The following MYO16 variants were observed in gnomAD, a reference collection of about 807,000 sequenced individuals.
The protein encoded by MYO16 is unconventional myosin-XVI.
A neutral mutation model predicts 205.3 loss-of-function variants in MYO16; 94 were observed. That is an observed-to-expected ratio of 0.46 (90% CI 0.39 to 0.54). MYO16 has a LOEUF of 0.54. Ranked by LOEUF, MYO16 falls within the 20% of genes least tolerant of loss-of-function variation. MYO16 has a pLI of 0.00. For synonymous variants in MYO16, 988 were observed against 954.0 expected (o/e 1.04, Z -0.66); for missense variants, 2,315 against 2,387.5 (o/e 0.97, Z 0.63).
chr13:108,816,348 C>G (rs1373867912), intron 7 of MYO16, among the ~76,000 whole-genome samples: 1 of 152,008 alleles, frequency 6.6e-6, no homozygotes. Context: ...TAATACTAAA[C>G]TTGAAAAATT....
the MYO16 span, among the ~76,000 whole-genome samples, chr13:108,507,279 G>T: frequency 6.6e-6 from 1 of 152,020 alleles, no homozygotes. Context: ...ACTTAAAGGG[G>T]CTCCCTTTAA....
chr13:108,635,739 A>C (rs1418766084), intron 1 of MYO16, among the ~76,000 whole-genome samples: 1 of 152,114 alleles, frequency 6.6e-6, no homozygotes, highest in Non-Finnish European at 1.5e-5. Flanking sequence ...ACCTCAGGGG[A>C]TCCACCCGCC....
intron 4 of MYO16, among the ~76,000 whole-genome samples, chr13:108,771,947 G>GAC (rs1284973084): frequency 1.3e-5 from 2 of 152,160 alleles, no homozygotes; most frequent in African/African-American, 4.8e-5. Context: ...AAATAAAGCT[G>GAC]ACACAGACAT....
the MYO16 span, among the ~76,000 whole-genome samples, chr13:108,563,061 C>A: frequency 6.6e-6 from 1 of 152,074 alleles, no homozygotes; most frequent in African/African-American, 2.4e-5. Flanking sequence ...CATCCAATTG[C>A]CTTACTAGGA....
intron 4 of MYO16, 43 bp from the exon 5 acceptor site, chr13:108,785,592 T>G: frequency 8.2e-7 from 1 of 1,224,894 alleles, no homozygotes; most frequent in South Asian, 1.5e-5. Context: ...TGCTTTTAAT[T>G]TAAACAGTAT....
chr13:108,508,493 T>C, the MYO16 span, among the ~76,000 whole-genome samples: 3 of 148,242 alleles, frequency 2.0e-5, no homozygotes, highest in Admixed American at 1.3e-4. Context: ...AGCCAACCGT[T>C]CTCTTTTGTT....
chr13:108,797,116 AT>A (rs1258191925), intron 6 of MYO16, among the ~76,000 whole-genome samples: 1 of 152,116 alleles, frequency 6.6e-6, no homozygotes, highest in African/African-American at 2.4e-5. Context: ...GACTCCAAGC[AT>A]TTTTAGCTTA....
Position 108,727,426 on chromosome 13 carries a change from A to G in MYO16, c.364-14A>G, listed in dbSNP as rs775274167. On this transcript the variant is annotated splice_polypyrimidine_tract_variant and intron_variant, in intron 3 of 34. Transcript: ENST00000457511. ...TTGTAATAATTTGATATTTCCTTGT[A>G]TTCTTTCTTTTAGTGTGCTCGGTAT... 7.5e-6 allele frequency: 12 copies of G among 1,609,642 alleles called. No individual in the cohort carries two copies. The South Asian group carries it at 1.3e-4, about 18-fold the overall frequency.
At chr13:108,964,117 A>G (rs1232577773) in intron 19 of MYO16, among the ~76,000 whole-genome samples, 1 of 152,242 alleles carries the variant, frequency 6.6e-6, no homozygotes, top group African/African-American at 2.4e-5. Context: ...CCAAGGCCAT[A>G]GAATATGAAT....
chr13:108,955,862 A>C (rs976635023), intron 16 of MYO16, among the ~76,000 whole-genome samples: 1 of 152,126 alleles, frequency 6.6e-6, no homozygotes, highest in African/African-American at 2.4e-5. Flanking sequence ...AAACAAAACA[A>C]AACAAAACAA....
chr13:109,183,338 GA>G (rs1879536996), intron 34 of MYO16, among the ~76,000 whole-genome samples: 1 of 152,022 alleles, frequency 6.6e-6, no homozygotes, highest in African/African-American at 2.4e-5. Flanking sequence ...GGAAGCCCAC[GA>G]TTTATAAATA....
chr13:109,055,357 G>T lies in MYO16; in HGVS notation c.3130-33G>T, dbSNP rs756855277. On this transcript the variant is annotated intron_variant, in intron 26 of 34. Transcript: ENST00000457511. The surrounding 1 kb of genome is among the most constrained non-coding windows in gnomAD (Gnocchi z 5.0). ...TATATTTTTAGCTAGTGTCTCCTTT[G>T]GAGAATCAGTTGGGTTCTACTTCTC... The T allele has an allele frequency of 6.5e-7, 1 of 1,542,238 alleles. No homozygotes were observed. Among genetic ancestry groups the T allele is most frequent in the East Asian group, 2.3e-5 (1 of 44,212 alleles).
chr13:109,002,311 A>G (rs1471716431), intron 21 of MYO16, among the ~76,000 whole-genome samples: 2 of 152,140 alleles, frequency 1.3e-5, no homozygotes, highest in Admixed American at 6.6e-5. Context: ...TTTGTTTCAG[A>G]TATGTTTCAC....
intron 15 of MYO16, among the ~76,000 whole-genome samples, chr13:108,903,985 T>G (rs187198794): frequency 8.5e-4 from 130 of 152,316 alleles, no homozygotes; most frequent in African/African-American, 3.0e-3. Context: ...TGTTACCATT[T>G]TATTGGACAG....
chr13:109,090,086 G>A (rs528954186), intron 27 of MYO16, among the ~76,000 whole-genome samples: 71 of 152,312 alleles, frequency 4.7e-4, no homozygotes, highest in Non-Finnish European at 8.1e-4. Context: ...CCTAAAAGAC[G>A]ATAGCAGCCT....
At chr13:108,621,970 A>G (rs752087316) in intron 1 of MYO16, among the ~76,000 whole-genome samples, 1 of 142,608 alleles carries the variant, frequency 7.0e-6, no homozygotes, top group Non-Finnish European at 1.5e-5. Flanking sequence ...AAATGTATAG[A>G]AAAAAAAACA....
At chr13:108,869,534 C>T (rs929149682) in intron 12 of MYO16, among the ~76,000 whole-genome samples, 6 of 149,210 alleles carry the variant, frequency 4.0e-5, no homozygotes, top group Admixed American at 6.7e-5. Context: ...ACCATCCTGG[C>T]TAACACGATG....
At chr13:108,669,613 G>A (rs1370697505) in intron 2 of MYO16, among the ~76,000 whole-genome samples, 1 of 152,142 alleles carries the variant, frequency 6.6e-6, no homozygotes, top group Non-Finnish European at 1.5e-5. Flanking sequence ...GTCTTCTATT[G>A]AGAAGTGTCT....
At chr13:108,658,836 T>A (rs1881360129) in intron 1 of MYO16, among the ~76,000 whole-genome samples, 1 of 152,192 alleles carries the variant, frequency 6.6e-6, no homozygotes, top group Non-Finnish European at 1.5e-5. Flanking sequence ...AAATCATCTA[T>A]GAATTCTTGG....
Sources: allele counts gnomAD v4.1 joint callset (sites outside exome capture counted in the v4.1 genomes callset), GRCh38; gene constraint gnomAD v4.1.1; non-coding constraint Gnocchi (gnomAD v3.1); transcripts MANE v1.5; gene names NCBI Gene and HGNC (gene_info 2026-07-23, HGNC 2026-07-21).